Variants in KCNT2 observed in about 807,000 individuals in gnomAD.
The protein encoded by KCNT2 is potassium sodium-activated channel subfamily T member 2.
In KCNT2, 67 loss-of-function variants were observed where a neutral mutation model predicts 153.8. That is an observed-to-expected ratio of 0.44 (90% CI 0.36 to 0.53). The LOEUF (loss-of-function observed/expected upper bound fraction) is 0.53. Ranked by LOEUF, KCNT2 falls within the 20% of genes least tolerant of loss-of-function variation. The pLI is 0.00. For synonymous variants in KCNT2, 500 were observed against 458.8 expected (o/e 1.09, Z -1.15); for missense variants, 975 against 1,354.8 (o/e 0.72, Z 4.40).
intron 1 of KCNT2, among the ~76,000 whole-genome samples, chr1:196,601,594 A>G (rs1664729284): frequency 6.6e-6 from 1 of 152,198 alleles, no homozygotes; most frequent in South Asian, 2.1e-4. Flanking sequence ...AAGTTTCTGT[A>G]GGGAGATGTT....
At chr1:196,286,355 A>G (rs901300989) in intron 22 of KCNT2, among the ~76,000 whole-genome samples, 2 of 152,052 alleles carry the variant, frequency 1.3e-5, no homozygotes, top group African/African-American at 2.4e-5. Context: ...TGTACCATCT[A>G]TGAACTAGGA....
Position 196,394,743 on chromosome 1 carries a change from C to T in KCNT2, c.1294+3820G>A, listed in dbSNP as rs568087210. ...TTTCCTTGTAGAGAATTTGATGATA[C>T]ATGGACAATGACAATTTTATTTCTT... On this transcript the variant is annotated intron_variant, in intron 13 of 27. Transcript: ENST00000294725. Among the ~76,000 whole-genome samples the T allele has an allele frequency of 2.0e-5, 3 of 151,534 alleles. No individual in the cohort carries two copies. In the East Asian group the frequency reaches 5.9e-4, roughly 30 times the overall value.
intron 16 of KCNT2, among the ~76,000 whole-genome samples, chr1:196,339,520 CAGAGAGAG>C (rs5779831): frequency 1.1e-4 from 15 of 138,010 alleles, no homozygotes; most frequent in East Asian, 4.2e-4. Context: ...CACACACACA[CAGAGAGAG>C]AGAGAGAGAG....
intron 14 of KCNT2, among the ~76,000 whole-genome samples, chr1:196,368,916 T>G (rs1016761889): frequency 2.6e-5 from 4 of 152,164 alleles, no homozygotes; most frequent in African/African-American, 4.8e-5. Flanking sequence ...TTCTGCCAAC[T>G]ATGTACTTCA....
chr1:196,265,192 G>A (rs1424327195), intron 25 of KCNT2, among the ~76,000 whole-genome samples: 1 of 152,138 alleles, frequency 6.6e-6, no homozygotes, highest in Non-Finnish European at 1.5e-5. Context: ...GGGGTATCTA[G>A]GCAATGACCA....
chr1:196,283,026 G>C (rs1429532250), intron 23 of KCNT2, among the ~76,000 whole-genome samples: 2 of 152,146 alleles, frequency 1.3e-5, no homozygotes, highest in African/African-American at 4.8e-5. Context: ...TGTATTTTTA[G>C]TAAAGACAGG....
intron 1 of KCNT2, among the ~76,000 whole-genome samples, chr1:196,561,676 A>AAGG (rs1426483212): frequency 6.3e-5 from 2 of 31,508 alleles, no homozygotes; most frequent in East Asian, 5.5e-3. Flanking sequence ...AAAAAAAAAA[A>AAGG]AGAAGAAGAA....
chr1:196,529,800 T>G (rs958591723), intron 1 of KCNT2, among the ~76,000 whole-genome samples: 46 of 152,230 alleles, frequency 3.0e-4, no homozygotes, highest in African/African-American at 1.1e-3. Context: ...CCTCTCGGCT[T>G]CTTTCTAAAA....
intron 5 of KCNT2, among the ~76,000 whole-genome samples, chr1:196,470,620 T>C (rs1678007675): frequency 6.6e-6 from 1 of 152,124 alleles, no homozygotes; most frequent in Non-Finnish European, 1.5e-5. Flanking sequence ...CCAGAGCTTG[T>C]GTCTGCCATG....
intron 1 of KCNT2, among the ~76,000 whole-genome samples, chr1:196,561,427 G>T (rs995042759): frequency 2.6e-5 from 4 of 151,208 alleles, no homozygotes; most frequent in Admixed American, 6.6e-5. Flanking sequence ...ATGTATTTAT[G>T]ATATCTCATA....
At chr1:196,483,082 C>T (rs894036371) in intron 3 of KCNT2, among the ~76,000 whole-genome samples, 2 of 152,098 alleles carry the variant, frequency 1.3e-5, no homozygotes, top group Admixed American at 1.3e-4. Context: ...GCAATATACC[C>T]TATTCAGGAA....
chr1:196,560,702 TC>T (rs1381895528), intron 1 of KCNT2, among the ~76,000 whole-genome samples: 1 of 151,296 alleles, frequency 6.6e-6, no homozygotes, highest in Non-Finnish European at 1.5e-5. Flanking sequence ...TGTTTTTTCT[TC>T]CCCCCTCTGG....
intron 1 of KCNT2, among the ~76,000 whole-genome samples, chr1:196,502,596 C>T (rs1247473050): frequency 6.6e-6 from 1 of 152,194 alleles, no homozygotes; most frequent in African/African-American, 2.4e-5. Context: ...TCAATAACTG[C>T]ATTGACTCTC....
intron 1 of KCNT2, among the ~76,000 whole-genome samples, chr1:196,551,424 T>G (rs950630348): frequency 6.6e-6 from 1 of 151,638 alleles, no homozygotes; most frequent in Non-Finnish European, 1.5e-5. Flanking sequence ...GGGGGATTCT[T>G]TGGTGGAGAA....
chr1:196,423,162 G>A, intron 11 of KCNT2, 49 bp from the exon 12 acceptor site: 1 of 1,246,390 alleles, frequency 8.0e-7, no homozygotes, highest in Non-Finnish European at 1.1e-6. Flanking sequence ...AATATCTACA[G>A]GTTTTCTGAA....
At chr1:196,365,278 C>T (rs1312200126) in intron 14 of KCNT2, among the ~76,000 whole-genome samples, 1 of 151,830 alleles carries the variant, frequency 6.6e-6, no homozygotes, top group East Asian at 1.9e-4. Context: ...TTATTTAAGG[C>T]CTCTTCAATA....
intron 14 of KCNT2, among the ~76,000 whole-genome samples, chr1:196,349,987 T>A (rs1666509490): frequency 6.6e-6 from 1 of 152,164 alleles, no homozygotes; most frequent in Non-Finnish European, 1.5e-5. Context: ...GATAGTTTAC[T>A]GAGAATGATA....
At chr1:196,489,246 T>C (rs1485673223) in intron 3 of KCNT2, among the ~76,000 whole-genome samples, 2 of 152,026 alleles carry the variant, frequency 1.3e-5, no homozygotes, top group African/African-American at 4.8e-5. Flanking sequence ...ATGTATCCAT[T>C]CATTCATTTA....
At position 196,330,902 on chromosome 1, in the gene KCNT2, C is replaced by G. The variant is rs796367578; in HGVS notation, c.2103+254G>C. ...GGTTCATAGGGATGAGATTTGGTAC[C>G]TTATTTTTCTCTTTAACAACATGAC... On this transcript the variant is annotated intron_variant, in intron 18 of 27. Transcript: ENST00000294725. 5.3e-4 allele frequency among the ~76,000 whole-genome samples: 81 copies of G among 151,978 alleles called. 1 individual carries two copies. The highest frequency in any genetic ancestry group is 1.8e-3 in the African/African-American group (75 of 41,522).
Sources: allele counts gnomAD v4.1 joint callset (sites outside exome capture counted in the v4.1 genomes callset), GRCh38; gene constraint gnomAD v4.1.1; transcripts MANE v1.5; gene names NCBI Gene and HGNC (gene_info 2026-07-23, HGNC 2026-07-21).